Variants in TRDN observed in about 807,000 individuals in gnomAD.
TRDN encodes the protein triadin.
In TRDN, 161 loss-of-function variants were observed where a neutral mutation model predicts 149.7. The ratio of observed to expected loss-of-function variants is 1.08; its 90% CI spans 0.95 to 1.23. The LOEUF (loss-of-function observed/expected upper bound fraction) is 1.23, where lower values mean the gene tolerates loss of function less well. Ranked by LOEUF, TRDN falls within the 50% of genes most tolerant of loss-of-function variation. TRDN has a pLI of 0.00. For synonymous variants in TRDN, 294 were observed against 250.5 expected (o/e 1.17, Z -1.64); for missense variants, 896 against 823.5 (o/e 1.09, Z -1.08).
At chr6:123,260,080 G>A (rs1776709822) in intron 34 of TRDN, among the ~76,000 whole-genome samples, 1 of 151,662 alleles carries the variant, frequency 6.6e-6, no homozygotes, top group South Asian at 2.1e-4. Flanking sequence ...TTTACTTACA[G>A]GCATGACCCT....
intron 8 of TRDN, chr6:123,503,306 T>C (rs778838398): frequency 4.1e-6 from 4 of 985,338 alleles, no homozygotes; most frequent in Non-Finnish European, 4.8e-6. Context: ...CTCTATATGA[T>C]TCCAACATGT....
At chr6:123,516,278 T>G (rs1289063055) in intron 5 of TRDN, 72 bp from the exon 6 acceptor site, 5 of 1,324,700 alleles carry the variant, frequency 3.8e-6, no homozygotes, top group Non-Finnish European at 4.9e-6. Flanking sequence ...CACGGCAGTC[T>G]TTGATGTCAA....
chr6:123,495,517 C>A (rs1212227153), intron 9 of TRDN, among the ~76,000 whole-genome samples: 3 of 84,784 alleles, frequency 3.5e-5, no homozygotes, highest in Admixed American at 1.5e-4. Flanking sequence ...GAGGCTCTGT[C>A]TCAAAAAAAA....
intron 1 of TRDN, 134 bp from the exon 2 acceptor site, chr6:123,571,266 A>G (rs1163005031): frequency 1.1e-6 from 1 of 878,270 alleles, no homozygotes; most frequent in East Asian, 2.7e-5. Flanking sequence ...TAGTGGCAGG[A>G]CAAAGCCTCC....
intron 4 of TRDN, among the ~76,000 whole-genome samples, chr6:123,538,762 A>T (rs912289404): frequency 1.3e-5 from 2 of 152,144 alleles, no homozygotes. Context: ...ATCCTTAAAA[A>T]TTTTCAAAAT....
intron 4 of TRDN, among the ~76,000 whole-genome samples, chr6:123,543,026 A>G (rs1300734943): frequency 6.6e-6 from 1 of 152,154 alleles, no homozygotes; most frequent in East Asian, 1.9e-4. Context: ...CTTTCAGTTC[A>G]ATTTATTAAT....
chr6:123,487,441 C>A (rs1332706074), intron 9 of TRDN, among the ~76,000 whole-genome samples: 1 of 150,584 alleles, frequency 6.6e-6, no homozygotes, highest in Admixed American at 6.6e-5. Context: ...TAAAGTTTAC[C>A]CTTCCTTCCT....
At chr6:123,222,945 G>A in intron 39 of TRDN, among the ~76,000 whole-genome samples, 1 of 151,724 alleles carries the variant, frequency 6.6e-6, no homozygotes, top group Non-Finnish European at 1.5e-5. Flanking sequence ...ACCACAATAA[G>A]ATAACATCTC....
At position 123,278,260 on chromosome 6, in the gene TRDN, T is replaced by C. The variant is rs9490720; in HGVS notation, c.1567+58A>G. ...AGGACATGACATTTGCAAAGAGATA[T>C]TGTGCTATTTATTCTAAACATGGAA... On this transcript the variant is annotated intron_variant, in intron 26 of 40. Transcript: ENST00000334268. 1.0e-4 allele frequency: 114 copies of C among 1,139,156 alleles called. No homozygotes were observed. In the African/African-American group the frequency reaches 1.5e-3, roughly 15 times the overall value. The allele number at this position is 1,139,156 out of a possible 1,614,324, so 70.6% of individuals were successfully genotyped here. A position where few individuals can be genotyped will look rare whatever the true frequency, so the allele number is the denominator to read the frequency against.
chr6:123,371,058 A>T (rs553765902), intron 19 of TRDN, among the ~76,000 whole-genome samples: 1 of 152,064 alleles, frequency 6.6e-6, no homozygotes, highest in African/African-American at 2.4e-5. Context: ...GAAGATCATA[A>T]TTTTAATACA....
At position 123,393,651 on chromosome 6, in the gene TRDN, G is replaced by A; in HGVS notation, c.1078C>T (p.Gln360Ter). ...KEPGKASETKQGTVKIAAQAA... is the reference protein window; with the variant it reads ...KEPGKASETK ...TGTGCTGCAATTTTTACAGTCCCTTGTTTGGTTTCAGAAGCTTTTCCCGGC... is the reference window on the plus strand; with the variant it reads ...TGTGCTGCAATTTTTACAGTCCCTTATTTGGTTTCAGAAGCTTTTCCCGGC... Residue 360 changes from glutamine to a stop codon, truncating the protein, a stop_gained, in exon 13 of 41, where the codon CAA becomes TAA. Transcript: ENST00000334268. LOFTEE classifies it high-confidence loss of function. 1 of 1,606,736 alleles carries A rather than the reference G, an allele frequency of 6.2e-7. No individual in the cohort carries two copies. The highest frequency in any genetic ancestry group is 8.5e-7 in the Non-Finnish European group (1 of 1,176,020).
At position 123,267,745 on chromosome 6, in the gene TRDN, G is replaced by C; in HGVS notation, c.1745C>G (p.Ala582Gly). The change falls in exon 32 of 41, where the codon GCT (alanine) becomes GGT (glycine). Residue 582 changes from alanine to glycine, a missense_variant. Physicochemically the swap from Ala to Gly is moderately conservative, Grantham distance 60 (BLOSUM62 0). Coordinates refer to ENST00000334268, the MANE Select transcript of TRDN (RefSeq NM_006073.4). ...KTAKPKPTKK[A>G]EHREREPPSI... The stretch of plus-strand genomic sequence containing the variant: ...TGGAGGTTCTCTTTCTCGATGTTCA[G>C]CTTTTTCTAGAGAAAGAAATCAAAA... 2 of 1,570,612 alleles carry C rather than the reference G, an allele frequency of 1.3e-6. No homozygotes were observed. The highest frequency in any genetic ancestry group is 1.7e-6 in the Non-Finnish European group (2 of 1,158,082).
chr6:123,372,171 CA>C (rs555714641), intron 19 of TRDN, among the ~76,000 whole-genome samples: 17 of 146,038 alleles, frequency 1.2e-4, no homozygotes, highest in Middle Eastern at 3.4e-3. Context: ...TAAACTGAGT[CA>C]AAAAAAAAAC....
intron 24 of TRDN, among the ~76,000 whole-genome samples, chr6:123,290,488 C>T (rs1278479012): frequency 3.3e-5 from 5 of 152,122 alleles, no homozygotes; most frequent in Non-Finnish European, 7.3e-5. Context: ...AAGTAAATCA[C>T]TGATGTTCAT....
intron 8 of TRDN, among the ~76,000 whole-genome samples, chr6:123,499,575 G>A (rs919675055): frequency 6.7e-6 from 1 of 149,724 alleles, no homozygotes; most frequent in South Asian, 2.1e-4. Flanking sequence ...ATGGTGGAGG[G>A]CACCTGTAAT....
At chr6:123,527,971 A>G (rs985898048) in intron 5 of TRDN, among the ~76,000 whole-genome samples, 4 of 151,938 alleles carry the variant, frequency 2.6e-5, no homozygotes, top group Admixed American at 1.3e-4. Flanking sequence ...TAAAAACATA[A>G]TAAGTATTCA....
intron 21 of TRDN, chr6:123,350,788 A>C: frequency 3.1e-6 from 3 of 978,146 alleles, no homozygotes; most frequent in Non-Finnish European, 3.6e-6. Flanking sequence ...TCAATATAAA[A>C]ATAGCCATTG....
intron 6 of TRDN, among the ~76,000 whole-genome samples, chr6:123,514,839 C>G (rs1583173293): frequency 6.6e-6 from 1 of 152,006 alleles, no homozygotes; most frequent in East Asian, 1.9e-4. Context: ...GAACAGAAAA[C>G]CAAACACTGC....
chr6:123,576,519 C>T (rs1451006634), intron 1 of TRDN, among the ~76,000 whole-genome samples: 2 of 151,872 alleles, frequency 1.3e-5, no homozygotes, highest in African/African-American at 2.4e-5. Flanking sequence ...TTATCTGGCA[C>T]TCCTTCCTAC....
Sources: allele counts gnomAD v4.1 joint callset (sites outside exome capture counted in the v4.1 genomes callset), GRCh38; gene constraint gnomAD v4.1.1; transcripts MANE v1.5; gene names NCBI Gene and HGNC (gene_info 2026-07-23, HGNC 2026-07-21).